MSR1: variants seen among roughly 807,000 people sequenced by gnomAD.
MSR1 encodes the protein macrophage scavenger receptor types I and II.
In MSR1, 53 loss-of-function variants were observed where a neutral mutation model predicts 47.2. The ratio of observed to expected loss-of-function variants is 1.12; its 90% CI spans 0.90 to 1.41. The LOEUF (loss-of-function observed/expected upper bound fraction) is 1.41, where lower values mean the gene tolerates loss of function less well. MSR1 is among the 40% of genes most tolerant of loss of function. The pLI is 0.00. For synonymous variants in MSR1, 239 were observed against 185.6 expected, an observed-to-expected ratio of 1.29 and a Z score of -2.34; for missense variants, 786 against 546.9, an observed-to-expected ratio of 1.44 and a Z score of -4.36.
Position 16,159,067 on chromosome 8 carries a change from G to T in MSR1, c.818-3923C>A, listed in dbSNP as rs528394305. Among the ~76,000 whole-genome samples, 21 of 150,682 alleles carry T rather than the reference G, an allele frequency of 1.4e-4. 2 individuals are homozygous for T. Among genetic ancestry groups the T allele is most frequent in the African/African-American group, 4.9e-4 (20 of 41,092 alleles). Reference sequence around the variant, plus strand: ...TTATATTGTCTCAGCCTCCCAAAGCGCTGGGATTACAGGCATGAGCCACCA... The same window carrying T: ...TTATATTGTCTCAGCCTCCCAAAGCTCTGGGATTACAGGCATGAGCCACCA... On this transcript the variant is annotated intron_variant, in intron 5 of 9. Transcript: ENST00000262101.
intron 9 of MSR1, among the ~76,000 whole-genome samples, chr8:16,119,211 C>G (rs1167499953): frequency 6.6e-6 from 1 of 151,994 alleles, no homozygotes; most frequent in Admixed American, 6.6e-5. Flanking sequence ...TGCTTAAATC[C>G]ATCTCTTAAA....
intron 5 of MSR1, among the ~76,000 whole-genome samples, chr8:16,161,278 G>A (rs1024373445): frequency 6.6e-6 from 1 of 151,904 alleles, no homozygotes; most frequent in African/African-American, 2.4e-5. Context: ...GCAGTGAGCA[G>A]GTAGTTGGAA....
intron 9 of MSR1, among the ~76,000 whole-genome samples, chr8:16,111,619 CAT>C (rs772846178): frequency 6.6e-6 from 1 of 151,496 alleles, no homozygotes; most frequent in African/African-American, 2.4e-5. Context: ...CATGTAAGCA[CAT>C]GTTTTTAGAA....
In MSR1 at chr8:16,120,531, T is replaced by G. The variant is rs201417972; in HGVS notation, c.1109A>C (p.Gln370Pro). 17 of 1,609,658 alleles carry G rather than the reference T, an allele frequency of 1.1e-5. No homozygotes were observed. In the Admixed American group the frequency reaches 1.3e-4, roughly 13 times the overall value. The change falls in exon 9 of 10, where the codon CAG (glutamine) becomes CCG (proline). Residue 370 changes from glutamine to proline, a missense_variant. Transcript: ENST00000262101. Reference sequence around the variant, plus strand: ...GCGATCGTCACAAATTGTACCCCACTGGCCGCTGTGGAGTATCTCCACCCT... The same window carrying G: ...GCGATCGTCACAAATTGTACCCCACGGGCCGCTGTGGAGTATCTCCACCCT... ...EGRVEILHSGQWGTICDDRWE... is the reference protein window; with the variant it reads ...EGRVEILHSGPWGTICDDRWE...
At chr8:16,121,265 A>G (rs149264455) in intron 8 of MSR1, 179 of 356,708 alleles carry the variant, frequency 5.0e-4, no homozygotes, top group African/African-American at 3.5e-3. Flanking sequence ...TATTTTTAGA[A>G]GTGATTCAAA....
intron 9 of MSR1, among the ~76,000 whole-genome samples, chr8:16,115,315 A>G (rs182648637): frequency 9.5e-4 from 145 of 152,294 alleles, no homozygotes; most frequent in African/African-American, 3.3e-3. Context: ...TTCTTTACTC[A>G]TCCACTCATT....
At chr8:16,138,954 A>AT (rs1800458802) in intron 8 of MSR1, among the ~76,000 whole-genome samples, 1 of 152,168 alleles carries the variant, frequency 6.6e-6, no homozygotes, top group Non-Finnish European at 1.5e-5. Context: ...TCTTGGGCCC[A>AT]TGCTTTGTTC....
chr8:16,143,068 A>G (rs1339082772), intron 8 of MSR1, among the ~76,000 whole-genome samples: 1 of 152,140 alleles, frequency 6.6e-6, no homozygotes, highest in Non-Finnish European at 1.5e-5. Flanking sequence ...TGTGAAATCT[A>G]TTCTGTTGTA....
chr8:16,125,894 G>A (rs950708305), intron 8 of MSR1, among the ~76,000 whole-genome samples: 4 of 151,994 alleles, frequency 2.6e-5, no homozygotes, highest in African/African-American at 9.7e-5. Context: ...GGCCTCCCAA[G>A]GTGATGTGAT....
At chr8:16,152,076 TCTC>T (rs1388933958) in intron 6 of MSR1, among the ~76,000 whole-genome samples, 1 of 151,958 alleles carries the variant, frequency 6.6e-6, no homozygotes, top group African/African-American at 2.4e-5. Context: ...CTTTTCTTGT[TCTC>T]CTCCCCCTCT....
rs143600530 is a variant in MSR1 at position 16,161,780 on chromosome 8, T to C, written c.817+2285A>G. 1.5e-4 allele frequency among the ~76,000 whole-genome samples: 23 copies of C among 152,126 alleles called. No individual in the cohort carries two copies. In the East Asian group the frequency reaches 4.1e-3, roughly 27 times the overall value. ...TCTATATATAGTTTTCTGGGACTTG[T>C]TTTTATTCTTTTTTTCATTGTCATC... On this transcript the variant is annotated intron_variant, in intron 5 of 9. Coordinates refer to ENST00000262101, the MANE Select transcript of MSR1 (RefSeq NM_138715.3).
rs552959744 is a variant in MSR1 at position 16,154,900 on chromosome 8, C to T, written c.898+164G>A. Among the ~76,000 whole-genome samples, 6 of 151,702 alleles carry T rather than the reference C, an allele frequency of 4.0e-5. No homozygotes were observed. In the South Asian group the frequency reaches 1.0e-3, roughly 26 times the overall value. On this transcript the variant is annotated intron_variant, in intron 6 of 9. Transcript: ENST00000262101. ...GCTACTAGAACATTTACTAATCCCC[C>T]AAAACACACACACATATACACACAT...
At chr8:16,148,070 T>C (rs570295475) in intron 7 of MSR1, among the ~76,000 whole-genome samples, 2 of 152,288 alleles carry the variant, frequency 1.3e-5, no homozygotes, top group South Asian at 4.1e-4. Flanking sequence ...AAAGAAATTC[T>C]AGGCCTCTTT....
intron 8 of MSR1, among the ~76,000 whole-genome samples, chr8:16,131,952 T>C (rs1800270415): frequency 6.6e-6 from 1 of 152,052 alleles, no homozygotes; most frequent in South Asian, 2.1e-4. Context: ...AAAATTGGCT[T>C]GGCTCTTTGG....
chr8:16,168,636 C>G lies in MSR1; in HGVS notation c.452G>C (p.Arg151Thr). The change falls in exon 4 of 10, where the codon AGA becomes ACA. Residue 151 changes from arginine (R) to threonine (T), a missense_variant. Arg to Thr is a moderately conservative substitution (Grantham distance 71, BLOSUM62 -1). Transcript: ENST00000262101. ...TAGCTGCAGAAGAATGTCATTAAATCTTTGATCAGTTGTCATGCTGAAATT... is the reference window on the plus strand; with the variant it reads ...TAGCTGCAGAAGAATGTCATTAAATGTTTGATCAGTTGTCATGCTGAAATT... ...FQNFSMTTDQRFNDILLQLST... is the reference protein window; with the variant it reads ...FQNFSMTTDQTFNDILLQLST... 6.2e-7 allele frequency: 1 copy of G among 1,614,128 alleles called. No homozygotes were observed. Among genetic ancestry groups the G allele is most frequent in the Middle Eastern group, 1.6e-4 (1 of 6,062 alleles).
At chr8:16,184,683 G>C (rs1173043013) in intron 1 of MSR1, among the ~76,000 whole-genome samples, 1 of 152,028 alleles carries the variant, frequency 6.6e-6, no homozygotes, top group Non-Finnish European at 1.5e-5. Context: ...GTAGTGACCT[G>C]GATTAATATT....
rs561895242 is a variant in MSR1 at position 16,136,645 on chromosome 8, C to T, written c.1033+6913G>A. The stretch of plus-strand genomic sequence containing the variant: ...TTGAGAAGGAGTATTGCTCTGTCTC[C>T]AGGCGGGAGTGCAGTGGCATGATCT... On this transcript the variant is annotated intron_variant, in intron 8 of 9. Coordinates refer to ENST00000262101, the MANE Select transcript of MSR1 (RefSeq NM_138715.3). 4.6e-5 allele frequency among the ~76,000 whole-genome samples: 7 copies of T among 152,174 alleles called. 1 individual carries two copies. In the South Asian group the frequency reaches 1.5e-3, roughly 32 times the overall value.
chr8:16,167,106 G>A (rs1801334859), intron 4 of MSR1, among the ~76,000 whole-genome samples: 1 of 152,056 alleles, frequency 6.6e-6, no homozygotes, highest in Non-Finnish European at 1.5e-5. Flanking sequence ...AAATTTAAGT[G>A]TAATCTATCG....
intron 1 of MSR1, among the ~76,000 whole-genome samples, chr8:16,182,711 CAAT>C (rs1287763506): frequency 5.3e-5 from 8 of 152,074 alleles, no homozygotes; most frequent in Non-Finnish European, 7.4e-5. Flanking sequence ...TCTTCAGAAA[CAAT>C]AACAGGCATG....
Sources: gnomAD v4.1 joint callset for allele counts (sites outside exome capture counted in the v4.1 genomes callset) on GRCh38, gnomAD v4.1.1 for gene constraint, MANE v1.5 for transcripts, NCBI Gene and HGNC (gene_info 2026-07-23, HGNC 2026-07-21) for gene names.